Variants in GLRX3 observed in about 807,000 individuals in gnomAD.
GLRX3 encodes the protein glutaredoxin-3.
In GLRX3, 22 loss-of-function variants were observed where a neutral mutation model predicts 49.5. That is an observed-to-expected ratio of 0.44 (90% CI 0.32 to 0.63). The LOEUF is 0.63. Ranked by LOEUF, GLRX3 falls within the 30% of genes least tolerant of loss-of-function variation. The pLI is 0.05. For synonymous variants in GLRX3, 133 were observed against 140.0 expected (o/e 0.95, Z 0.35); for missense variants, 385 against 396.3 (o/e 0.97, Z 0.24).
intron 6 of GLRX3, 130 bp from the exon 7 acceptor site, chr10:130,169,303 G>C (rs1316573891): frequency 3.0e-6 from 2 of 666,198 alleles, no homozygotes; most frequent in Admixed American, 2.4e-5. Context: ...GCATTTGCTT[G>C]TTTAATACCA....
intron 2 of GLRX3, among the ~76,000 whole-genome samples, chr10:130,159,002 A>C (rs1172472040): frequency 6.6e-6 from 1 of 152,186 alleles, no homozygotes; most frequent in Non-Finnish European, 1.5e-5. Flanking sequence ...GGTAGATATA[A>C]CCTGATTGGG....
intron 2 of GLRX3, among the ~76,000 whole-genome samples, chr10:130,156,669 G>A (rs1348521700): frequency 6.6e-6 from 1 of 152,188 alleles, no homozygotes; most frequent in Non-Finnish European, 1.5e-5. Context: ...CTGTCACAGT[G>A]GCATCCGATG....
intron 2 of GLRX3, among the ~76,000 whole-genome samples, chr10:130,158,019 G>GT (rs1862509506): frequency 6.6e-6 from 1 of 152,084 alleles, no homozygotes; most frequent in African/African-American, 2.4e-5. Flanking sequence ...TGATGTTCCT[G>GT]TTCCCTTCTT....
intron 2 of GLRX3, among the ~76,000 whole-genome samples, chr10:130,150,458 T>C (rs151050425): frequency 1.5e-4 from 23 of 152,318 alleles, no homozygotes; most frequent in Middle Eastern, 6.8e-3. Flanking sequence ...TTTATACTAT[T>C]GTATTTCATT....
chr10:130,171,826 C>G (rs920232004), intron 8 of GLRX3, among the ~76,000 whole-genome samples, 190 bp downstream of exon 8: 2 of 152,048 alleles, frequency 1.3e-5, no homozygotes, highest in African/African-American at 2.4e-5. Context: ...ATTAGCCAGG[C>G]ATGGTCACAT....
intron 6 of GLRX3, among the ~76,000 whole-genome samples, chr10:130,167,689 T>A (rs1862719772): frequency 6.6e-6 from 1 of 152,188 alleles, no homozygotes; most frequent in Non-Finnish European, 1.5e-5. Flanking sequence ...AACCTTCCTT[T>A]GGTAATTTTT....
chr10:130,177,353 G>C (rs1205299122), intron 10 of GLRX3, among the ~76,000 whole-genome samples: 1 of 152,204 alleles, frequency 6.6e-6, no homozygotes, highest in Non-Finnish European at 1.5e-5. Flanking sequence ...TGTTGAGAGA[G>C]ATAGAAGATT....
chr10:130,142,855 A>C (rs1409360531), intron 1 of GLRX3, among the ~76,000 whole-genome samples: 4 of 152,102 alleles, frequency 2.6e-5, no homozygotes, highest in Non-Finnish European at 1.5e-5. Context: ...GCTTTACTAC[A>C]TAAGTTCCTT....
intron 4 of GLRX3, among the ~76,000 whole-genome samples, chr10:130,162,648 C>T (rs1161104303): frequency 6.6e-6 from 1 of 152,160 alleles, no homozygotes; most frequent in African/African-American, 2.4e-5. Context: ...AGTATTCTCT[C>T]CTTTGGGGTT....
At chr10:130,174,311 G>T (rs1248788982) in intron 8 of GLRX3, among the ~76,000 whole-genome samples, 1 of 152,254 alleles carries the variant, frequency 6.6e-6, no homozygotes, top group East Asian at 1.9e-4. Context: ...TGCTGCACGG[G>T]CAGCTTCCAG....
intron 2 of GLRX3, among the ~76,000 whole-genome samples, chr10:130,159,451 C>T (rs1862535254): frequency 6.6e-6 from 1 of 152,162 alleles, no homozygotes; most frequent in Non-Finnish European, 1.5e-5. Context: ...AGATATCTGC[C>T]TAGTGTCCAG....
intron 1 of GLRX3, among the ~76,000 whole-genome samples, chr10:130,144,178 A>G (rs1862226468): frequency 6.6e-6 from 1 of 151,912 alleles, no homozygotes; most frequent in African/African-American, 2.4e-5. Flanking sequence ...AAATAATGAT[A>G]TTATTAGTAA....
At chr10:130,140,500 C>T (rs1862152728) in intron 1 of GLRX3, among the ~76,000 whole-genome samples, 1 of 152,174 alleles carries the variant, frequency 6.6e-6, no homozygotes, top group African/African-American at 2.4e-5. Context: ...ATAATTTCAA[C>T]TAACAATATC....
intron 8 of GLRX3, among the ~76,000 whole-genome samples, chr10:130,173,253 C>T (rs940529237): frequency 6.6e-6 from 1 of 152,174 alleles, no homozygotes; most frequent in African/African-American, 2.4e-5. Flanking sequence ...GGTAACTTGG[C>T]TTTCTGTCCC....
intron 2 of GLRX3, among the ~76,000 whole-genome samples, chr10:130,155,778 A>T (rs950094697): frequency 1.3e-5 from 2 of 152,152 alleles, no homozygotes; most frequent in African/African-American, 4.8e-5. Flanking sequence ...CAGGAGAATG[A>T]GTGTGGATAG....
chr10:130,155,294 G>C (rs1315036660), intron 2 of GLRX3, among the ~76,000 whole-genome samples: 1 of 152,158 alleles, frequency 6.6e-6, no homozygotes, highest in Non-Finnish European at 1.5e-5. Flanking sequence ...GACCTTGTGG[G>C]GAACGATAAC....
intron 2 of GLRX3, 156 bp from the exon 3 acceptor site, chr10:130,159,839 G>T: frequency 7.3e-7 from 1 of 1,361,342 alleles, no homozygotes. Flanking sequence ...AGCCCAGTGA[G>T]TCTCATTTAA....
chr10:130,172,705 G>T (rs913210123), intron 8 of GLRX3, among the ~76,000 whole-genome samples: 1 of 152,224 alleles, frequency 6.6e-6, no homozygotes, highest in Admixed American at 6.5e-5. Context: ...ACTTTGGGAG[G>T]CTGAGGTGAG....
chr10:130,136,885 G>T (rs1181537420), intron 1 of GLRX3, among the ~76,000 whole-genome samples: 1 of 152,076 alleles, frequency 6.6e-6, no homozygotes, highest in Non-Finnish European at 1.5e-5. Flanking sequence ...CGGGGCGGGG[G>T]ACGGGGCGGC....
Sources: allele counts gnomAD v4.1 joint callset (sites outside exome capture counted in the v4.1 genomes callset), GRCh38; gene constraint gnomAD v4.1.1; transcripts MANE v1.5; gene names NCBI Gene and HGNC (gene_info 2026-07-23, HGNC 2026-07-21).